DNAJC17: variants seen among roughly 807,000 people sequenced by gnomAD.
The protein encoded by DNAJC17 is dnaJ homolog subfamily C member 17.
A neutral mutation model predicts 48.1 loss-of-function variants in DNAJC17; 35 were observed. That is an observed-to-expected ratio of 0.73 (90% CI 0.56 to 0.96). DNAJC17 has a LOEUF of 0.96. Ranked by LOEUF, DNAJC17 falls within the 50% of genes least tolerant of loss-of-function variation. The probability of loss-of-function intolerance (pLI) is 0.00; values close to 1 mark genes in which losing one functional copy is unlikely to be tolerated. For missense variants in DNAJC17, 355 were observed against 377.1 expected, an observed-to-expected ratio of 0.94 and a Z score of 0.48; for synonymous variants, 117 against 142.7, an observed-to-expected ratio of 0.82 and a Z score of 1.28.
chr15:40,770,360 G>T lies in DNAJC17; in HGVS notation c.793-2298C>A. 1 of 830,356 alleles carries T rather than the reference G, an allele frequency of 1.2e-6. No individual in the cohort carries two copies. Among genetic ancestry groups the T allele is most frequent in the South Asian group, 1.8e-5 (1 of 55,150 alleles). The allele number at this position is 830,356 out of a possible 1,614,324, so 51.4% of individuals were successfully genotyped here. ...TCTCACCATCCAAGATGTGGTCAAA[G>T]GTCTGTGCTGAGTGGAAACCCTGAG... On this transcript the variant is annotated intron_variant, in intron 10 of 10. Transcript: ENST00000220496. This position sits in a 1 kb window ranked among gnomAD's most constrained non-coding sequence, Gnocchi z 5.0.
intron 10 of DNAJC17, chr15:40,771,107 C>CCTGGAGT: frequency 7.7e-7 from 1 of 1,295,548 alleles, no homozygotes. Context: ...GGACTCCAGG[C>CCTGGAGT]CCATCGCTGG....
intron 1 of DNAJC17, among the ~76,000 whole-genome samples, chr15:40,806,401 T>C (rs1890226743): frequency 6.6e-6 from 1 of 151,730 alleles, no homozygotes; most frequent in Non-Finnish European, 1.5e-5. Flanking sequence ...GTATTTTTAG[T>C]AGAGAAGGGG....
rs75415891 is a variant in DNAJC17, at chr15:40,770,719, C to A, written c.793-2657G>T. On this transcript the variant is annotated intron_variant, in intron 10 of 10. Coordinates refer to ENST00000220496, the MANE Select transcript of DNAJC17 (RefSeq NM_018163.3). This position sits in a 1 kb window ranked among gnomAD's most constrained non-coding sequence, Gnocchi z 5.0. ...TGGGGGGACGAGCAGCCCCGGGCCA[C>A]CCTGCTGGCCCCACCCAAGCCCCCA... 4.8e-4 allele frequency: 735 copies of A among 1,546,004 alleles called. 1 individual carries two copies. The highest frequency in any genetic ancestry group is 5.8e-4 in the Non-Finnish European group (668 of 1,146,888).
chr15:40,785,550 G>C (rs1889617437), intron 1 of DNAJC17, among the ~76,000 whole-genome samples: 1 of 152,222 alleles, frequency 6.6e-6, no homozygotes, highest in Admixed American at 6.5e-5. Flanking sequence ...GTAAGCACCT[G>C]ACAAAAACTA....
intron 1 of DNAJC17, among the ~76,000 whole-genome samples, chr15:40,804,553 G>A (rs1046226462): frequency 2.0e-5 from 3 of 152,078 alleles, no homozygotes; most frequent in Non-Finnish European, 4.4e-5. Flanking sequence ...CTGTGATTGT[G>A]CCACTGCATT....
rs371259333 is a variant in DNAJC17 at position 40,773,772 on chromosome 15, T to C, written c.747A>G (p.Gly249=). 44 of 1,613,800 alleles carry C rather than the reference T, an allele frequency of 2.7e-5. No homozygotes were observed. The highest frequency in any genetic ancestry group is 3.6e-5 in the Non-Finnish European group (43 of 1,179,982). ...DNPLKISWLE[G]QPQDAVGRSH... is the part of the protein sequence containing the mutation. Reference sequence around the variant, plus strand: ...TGCGGCCCACGGCATCCTGGGGCTGTCCCTCCAACCAGGAAATCTTCAGAG... The same window carrying C: ...TGCGGCCCACGGCATCCTGGGGCTGCCCCTCCAACCAGGAAATCTTCAGAG... Residue 249 remains glycine, a synonymous_variant, in exon 10 of 11, where the codon GGA becomes GGG. Transcript: ENST00000220496.
At chr15:40,777,097 C>A (rs1261344473) in intron 4 of DNAJC17, among the ~76,000 whole-genome samples, 1 of 152,170 alleles carries the variant, frequency 6.6e-6, no homozygotes, top group African/African-American at 2.4e-5. Context: ...CACTGTGGAC[C>A]TGGCTACAGG....
chr15:40,783,445 T>A (rs976183545), intron 1 of DNAJC17, among the ~76,000 whole-genome samples: 1 of 152,198 alleles, frequency 6.6e-6, no homozygotes, highest in Non-Finnish European at 1.5e-5. Flanking sequence ...TGTCCCAGTA[T>A]CTATGGCATC....
Position 40,770,858 on chromosome 15 carries a change from C to T in DNAJC17, c.793-2796G>A, listed in dbSNP as rs1295922773. 6.4e-7 allele frequency: 1 copy of T among 1,551,428 alleles called. No individual in the cohort carries two copies. The highest frequency in any genetic ancestry group is 2.0e-5 in the Admixed American group (1 of 50,994). On this transcript the variant is annotated intron_variant, in intron 10 of 10. Transcript: ENST00000220496. This position sits in a 1 kb window ranked among gnomAD's most constrained non-coding sequence, Gnocchi z 5.0. ...CGCTCTCTCTGTCGAGTGCCCTCCA[C>T]CAGCACTCAGAGAAGGGCCTTGTGG...
At chr15:40,784,148 G>A (rs1458262652) in intron 1 of DNAJC17, among the ~76,000 whole-genome samples, 3 of 151,926 alleles carry the variant, frequency 2.0e-5, no homozygotes, top group Admixed American at 6.6e-5. Flanking sequence ...CCTGGGAGGC[G>A]GAGGTTGCAG....
rs1889423273 is a variant in DNAJC17, at chr15:40,779,569, C to A, written c.183G>T (p.Glu61Asp). 6.2e-7 allele frequency: 1 copy of A among 1,614,098 alleles called. No individual in the cohort carries two copies. Among genetic ancestry groups the A allele is most frequent in the Non-Finnish European group, 8.5e-7 (1 of 1,180,024 alleles). ...ELFHQLSQAL[E>D]VLTDAAARAA... is the part of the protein sequence containing the mutation. ...CCCTGGCTGCAGCATCGGTCAGCAC[C>A]TCCAAGGCCTGAGAAAGCTGGTGGA... Residue 61 changes from glutamate (E) to aspartate (D), a missense_variant, in exon 3 of 11, where the codon GAG becomes GAT. By Grantham distance (45) the Glu-to-Asp change is conservative (BLOSUM62 2). Around this residue, in one of 3 missense-constraint regions of DNAJC17, gnomAD observed 199 missense variants for 199.9 expected, o/e 1.00. Coordinates refer to ENST00000220496, the MANE Select transcript of DNAJC17 (RefSeq NM_018163.3).
In DNAJC17 at chr15:40,770,076, G is replaced by A. The variant is rs78652464; in HGVS notation, c.793-2014C>T. On this transcript the variant is annotated intron_variant, in intron 10 of 10. Coordinates refer to ENST00000220496, the MANE Select transcript of DNAJC17 (RefSeq NM_018163.3). This position sits in a 1 kb window ranked among gnomAD's most constrained non-coding sequence, Gnocchi z 5.0. ...ATAGGAGCCAGGCAAACACCAGGGC[G>A]AGTGAGCTCGGGCCATCTGCTGCCT... The A allele has an allele frequency of 0.017, 3,178 of 186,498 alleles. 127 individuals are homozygous for A. Among genetic ancestry groups the A allele is most frequent in the African/African-American group, 0.072 (3,024 of 42,064 alleles). The allele number at this position is 186,498 out of a possible 1,614,324, so 11.6% of individuals were successfully genotyped here.
chr15:40,770,365 G>A lies in DNAJC17; in HGVS notation c.793-2303C>T. Reference sequence around the variant, plus strand: ...CCATCCAAGATGTGGTCAAAGGTCTGTGCTGAGTGGAAACCCTGAGGCCTC... The same window carrying A: ...CCATCCAAGATGTGGTCAAAGGTCTATGCTGAGTGGAAACCCTGAGGCCTC... On this transcript the variant is annotated intron_variant, in intron 10 of 10. Coordinates refer to ENST00000220496, the MANE Select transcript of DNAJC17 (RefSeq NM_018163.3). This position sits in a 1 kb window ranked among gnomAD's most constrained non-coding sequence, Gnocchi z 5.0. 1.2e-6 allele frequency: 1 copy of A among 867,528 alleles called. No homozygotes were observed. Among genetic ancestry groups the A allele is most frequent in the Non-Finnish European group, 1.7e-6 (1 of 577,984 alleles). The allele number at this position is 867,528 out of a possible 1,614,324, so 53.7% of individuals were successfully genotyped here.
chr15:40,779,141 G>T, intron 4 of DNAJC17, 82 bp downstream of exon 4: 1 of 1,401,190 alleles, frequency 7.1e-7, no homozygotes. Flanking sequence ...ATGAGTTGCT[G>T]GAAGTGAAGC....
At chr15:40,772,403 G>A (rs1889175127) in intron 10 of DNAJC17, 1 of 167,178 alleles carries the variant, frequency 6.0e-6, no homozygotes, top group Non-Finnish European at 1.5e-5. Flanking sequence ...TTGTGTATAG[G>A]TACCGAGCTG....
At position 40,789,872 on chromosome 15, in the gene DNAJC17, C is replaced by T. The variant is rs1377597952; in HGVS notation, c.79-9875G>A. Among the ~76,000 whole-genome samples, 3 of 125,056 alleles carry T rather than the reference C, an allele frequency of 2.4e-5. No individual in the cohort carries two copies. The Admixed American group carries it at 3.1e-4, about 13-fold the overall frequency. 82.0% of individuals were successfully genotyped at this position (125,056 alleles called of 152,430 possible). Reference sequence around the variant, plus strand: ...AGTGAGCCGAGATTGCGCCACTGCACTCCAGCCTGGGAGACAGAGACAGAC... The same window carrying T: ...AGTGAGCCGAGATTGCGCCACTGCATTCCAGCCTGGGAGACAGAGACAGAC... On this transcript the variant is annotated intron_variant, in intron 1 of 10. Coordinates refer to ENST00000220496, the MANE Select transcript of DNAJC17 (RefSeq NM_018163.3).
rs553564372 is a variant in DNAJC17, at chr15:40,805,804, C to T, written c.78+1565G>A. Among the ~76,000 whole-genome samples, 8 of 152,160 alleles carry T rather than the reference C, an allele frequency of 5.3e-5. No homozygotes were observed. The South Asian group carries it at 1.7e-3, about 32-fold the overall frequency. ...CGAGATCGCGCCACTGCACTCCAGC[C>T]TGGGCCACAGAGCGAGACTCCGTCT... On this transcript the variant is annotated intron_variant, in intron 1 of 10. Coordinates refer to ENST00000220496, the MANE Select transcript of DNAJC17 (RefSeq NM_018163.3).
Position 40,767,885 on chromosome 15 carries a change from AAT to A in DNAJC17, c.*53_*54del. 6.3e-7 allele frequency: 1 copy of A among 1,588,792 alleles called. No homozygotes were observed. On this transcript the variant is annotated 3_prime_UTR_variant, in exon 11 of 11. Coordinates refer to ENST00000220496, the MANE Select transcript of DNAJC17 (RefSeq NM_018163.3). ...GAGGTAAAATCTTAAAAAAAAAAAA[AAT>A]TTATTGGTGACGTTGAAGAAAAGGG...
chr15:40,770,789 C>G lies in DNAJC17; in HGVS notation c.793-2727G>C. On this transcript the variant is annotated intron_variant, in intron 10 of 10. Coordinates refer to ENST00000220496, the MANE Select transcript of DNAJC17 (RefSeq NM_018163.3). This position sits in a 1 kb window ranked among gnomAD's most constrained non-coding sequence, Gnocchi z 5.0. Reference sequence around the variant, plus strand: ...CAAGCTGCCCCAACATCCTGGAGCCCCCACCTGCCTACACAGCAGCCTACT... The same window carrying G: ...CAAGCTGCCCCAACATCCTGGAGCCGCCACCTGCCTACACAGCAGCCTACT... 6.5e-7 allele frequency: 1 copy of G among 1,548,710 alleles called. No homozygotes were observed. Among genetic ancestry groups the G allele is most frequent in the Non-Finnish European group, 8.7e-7 (1 of 1,146,982 alleles).
Sources: gnomAD v4.1 joint callset for allele counts (sites outside exome capture counted in the v4.1 genomes callset) on GRCh38, gnomAD v4.1.1 for gene constraint, gnomAD v4.1.1 regional missense constraint, Gnocchi (gnomAD v3.1) non-coding constraint, MANE v1.5 for transcripts, NCBI Gene and HGNC (gene_info 2026-07-23, HGNC 2026-07-21) for gene names.